ZNF827: variants seen among roughly 807,000 people sequenced by gnomAD.
ZNF827 encodes zinc finger protein 827.
In ZNF827, 13 loss-of-function variants were observed where a neutral mutation model predicts 102.4. That is an observed-to-expected ratio of 0.13 (90% CI 0.08 to 0.20). The LOEUF is 0.20. Ranked by LOEUF, ZNF827 falls within the 10% of genes least tolerant of loss-of-function variation. ZNF827 has a pLI of 1.00. For missense variants in ZNF827, 1,103 were observed against 1,344.4 expected (o/e 0.82, Z 2.81); for synonymous variants, 523 against 536.2 (o/e 0.98, Z 0.34).
intron 5 of ZNF827, among the ~76,000 whole-genome samples, chr4:145,857,135 G>C (rs188495735): frequency 2.0e-5 from 3 of 152,150 alleles, no homozygotes; most frequent in African/African-American, 7.2e-5. Context: ...ATTTAGGAAG[G>C]AAAATTAACA....
At chr4:145,836,317 C>G (rs558749455) in intron 7 of ZNF827, among the ~76,000 whole-genome samples, 55 of 152,216 alleles carry the variant, frequency 3.6e-4, no homozygotes, top group African/African-American at 1.3e-3. Flanking sequence ...TACACAAGAG[C>G]CAGGACCACA....
At chr4:145,794,975 T>C (rs1210367377) in intron 8 of ZNF827, among the ~76,000 whole-genome samples, 3 of 152,196 alleles carry the variant, frequency 2.0e-5, no homozygotes, top group Admixed American at 6.5e-5. Flanking sequence ...TGGCAAACTC[T>C]GCTGTCTAGC....
chr4:145,880,505 CACTT>C (rs1347163066), intron 4 of ZNF827, among the ~76,000 whole-genome samples: 5 of 152,226 alleles, frequency 3.3e-5, no homozygotes, highest in East Asian at 3.8e-4. Flanking sequence ...CTCCAGGTCC[CACTT>C]ACTTATAGTC....
In ZNF827 at chr4:145,892,390, A is replaced by T. The variant is rs760637493; in HGVS notation, c.1119T>A (p.Pro373=). Residue 373 remains proline, a synonymous_variant, in exon 3 of 15, where the codon CCT becomes CCA. Coordinates refer to ENST00000508784, the MANE Select transcript of ZNF827 (RefSeq NM_001306215.2). ...NSASEEESGK[P]FQCPICGLVI... ...CCAAACCACATATTGGACACTGGAA[A>T]GGCTTTCCACTTTCCTCTTCTGAGG... 1.1e-5 allele frequency: 18 copies of T among 1,613,922 alleles called. No individual in the cohort carries two copies. In the Middle Eastern group the frequency reaches 9.9e-4, roughly 88 times the overall value.
intron 1 of ZNF827, among the ~76,000 whole-genome samples, chr4:145,909,915 G>A (rs926355368): frequency 1.3e-5 from 2 of 152,166 alleles, no homozygotes; most frequent in Non-Finnish European, 2.9e-5. Context: ...CCGGCAATGG[G>A]CTTCACAGGA....
At chr4:145,914,135 C>T (rs1752501719) in intron 1 of ZNF827, among the ~76,000 whole-genome samples, 1 of 151,746 alleles carries the variant, frequency 6.6e-6, no homozygotes, top group African/African-American at 2.4e-5. Flanking sequence ...ATATTATAGT[C>T]ATCATCATTC....
intron 4 of ZNF827, among the ~76,000 whole-genome samples, chr4:145,878,948 T>A (rs979688634): frequency 2.0e-5 from 3 of 152,076 alleles, no homozygotes; most frequent in Non-Finnish European, 2.9e-5. Flanking sequence ...AGGAGCAGGC[T>A]GCACATGAAG....
Position 145,879,516 on chromosome 4 carries a change from G to T in ZNF827, c.1747+6162C>A, listed in dbSNP as rs189868987. ...ATCAAGATAAAAAATCACTCTGATG[G>T]CAATTCTGGAACTAGGTACACTCTA... On this transcript the variant is annotated intron_variant, in intron 4 of 14. Coordinates refer to ENST00000508784, the MANE Select transcript of ZNF827 (RefSeq NM_001306215.2). Among the ~76,000 whole-genome samples the T allele has an allele frequency of 4.5e-3, 688 of 152,242 alleles. 10 individuals carry two copies. The highest frequency in any genetic ancestry group is 6.0e-3 in the East Asian group (31 of 5,186).
chr4:145,818,321 A>G (rs1742797921), intron 8 of ZNF827, among the ~76,000 whole-genome samples: 1 of 152,222 alleles, frequency 6.6e-6, no homozygotes, highest in Non-Finnish European at 1.5e-5. Context: ...CCTCAACTGT[A>G]TGACTTTGAA....
chr4:145,910,598 C>T (rs1752213401), intron 1 of ZNF827, among the ~76,000 whole-genome samples: 1 of 152,198 alleles, frequency 6.6e-6, no homozygotes, highest in African/African-American at 2.4e-5. Flanking sequence ...TGTACTATGG[C>T]AGTAGCCTTC....
At chr4:145,840,829 G>A (rs1487670491) in intron 7 of ZNF827, among the ~76,000 whole-genome samples, 1 of 152,106 alleles carries the variant, frequency 6.6e-6, no homozygotes, top group African/African-American at 2.4e-5. Context: ...CCATCACAAA[G>A]GAAAATTTTA....
intron 11 of ZNF827, among the ~76,000 whole-genome samples, chr4:145,767,135 C>T (rs937399457): frequency 1.1e-4 from 16 of 152,100 alleles, no homozygotes; most frequent in African/African-American, 3.6e-4. Context: ...TGTTAGACTT[C>T]GCAGACAAGG....
At chr4:145,774,255 G>A (rs576885077) in intron 11 of ZNF827, among the ~76,000 whole-genome samples, 1 of 152,294 alleles carries the variant, frequency 6.6e-6, no homozygotes, top group African/African-American at 2.4e-5. Context: ...TGAGCAACAA[G>A]CAAAGAGCTC....
In ZNF827 at chr4:145,761,820, G is replaced by A. The variant is rs1734551115; in HGVS notation, c.*18-222C>T. Among the ~76,000 whole-genome samples, 1 of 152,172 alleles carries A rather than the reference G, an allele frequency of 6.6e-6. No homozygotes were observed. The highest frequency in any genetic ancestry group is 1.5e-5 in the Non-Finnish European group (1 of 68,018). On this transcript the variant is annotated intron_variant, in intron 14 of 14. Coordinates refer to ENST00000508784, the MANE Select transcript of ZNF827 (RefSeq NM_001306215.2). This position sits in a 1 kb window ranked among gnomAD's most constrained non-coding sequence, Gnocchi z 6.8. ...CTGACAAGCAGCTCTGGCAAGGTCC[G>A]CTCAGCCTATTCTGGGTCTCTTGGC...
chr4:145,826,076 A>C (rs1743646117), intron 7 of ZNF827, among the ~76,000 whole-genome samples: 1 of 152,214 alleles, frequency 6.6e-6, no homozygotes, highest in African/African-American at 2.4e-5. Context: ...TCTCAGACCA[A>C]ACACACAGCT....
At chr4:145,813,262 T>C (rs907300279) in intron 8 of ZNF827, among the ~76,000 whole-genome samples, 4 of 152,212 alleles carry the variant, frequency 2.6e-5, no homozygotes, top group African/African-American at 4.8e-5. Context: ...AGACATTTCA[T>C]CATCTCACAT....
At chr4:145,874,981 A>T (rs1030051258) in intron 4 of ZNF827, among the ~76,000 whole-genome samples, 1 of 152,222 alleles carries the variant, frequency 6.6e-6, no homozygotes, top group African/African-American at 2.4e-5. Flanking sequence ...TGAAGAATTC[A>T]AGATAAAGGC....
intron 4 of ZNF827, among the ~76,000 whole-genome samples, chr4:145,878,300 C>T (rs1749330960): frequency 6.6e-6 from 1 of 151,992 alleles, no homozygotes; most frequent in East Asian, 1.9e-4. Context: ...ATTATCAGAC[C>T]CCAGGAACAA....
At chr4:145,835,323 G>A (rs1265852532) in intron 7 of ZNF827, 3 of 151,860 alleles carry the variant, frequency 2.0e-5, no homozygotes, top group Non-Finnish European at 2.9e-5. Context: ...TAATCAATTC[G>A]GAGGCTACCC....
Sources: gnomAD v4.1 joint callset for allele counts (sites outside exome capture counted in the v4.1 genomes callset) on GRCh38, gnomAD v4.1.1 for gene constraint, Gnocchi (gnomAD v3.1) non-coding constraint, MANE v1.5 for transcripts, NCBI Gene and HGNC (gene_info 2026-07-23, HGNC 2026-07-21) for gene names.